SCFD2: variants seen among roughly 807,000 people sequenced by gnomAD.
SCFD2 encodes the protein sec1 family domain containing 2.
A neutral mutation model predicts 58.9 loss-of-function variants in SCFD2; 54 were observed. The observed-to-expected ratio is 0.92, with a 90% CI of 0.74 to 1.15. The LOEUF is 1.15. SCFD2 is among the 50% of genes most tolerant of loss of function. The pLI, the probability that SCFD2 is intolerant of heterozygous loss-of-function variation, is 0.00. For missense variants in SCFD2, 805 were observed against 836.6 expected, an observed-to-expected ratio of 0.96 and a Z score of 0.47; for synonymous variants, 321 against 335.9, an observed-to-expected ratio of 0.96 and a Z score of 0.49.
In SCFD2 at chr4:53,352,601, G is replaced by A; in HGVS notation, c.1004C>T (p.Ser335Phe). 1 of 1,611,776 alleles carries A rather than the reference G, an allele frequency of 6.2e-7. No individual in the cohort carries two copies. Among genetic ancestry groups the A allele is most frequent in the Non-Finnish European group, 8.5e-7 (1 of 1,178,168 alleles). Residue 335 changes from serine (S) to phenylalanine (F), a missense_variant, in exon 2 of 9, where the codon TCC (serine) becomes TTC (phenylalanine). Ser to Phe is a radical substitution (Grantham distance 155). This residue lies in a region of SCFD2 where 633 missense variants were observed against 646.8 expected (regional missense o/e 0.98). Coordinates refer to ENST00000401642, the MANE Select transcript of SCFD2 (RefSeq NM_152540.4). ...NVVAPGCLSQ[S>F]SDTTAKALWE... ...TGACAAAAACTATATATCTTACCTG[G>A]ATTGTGAAAGACAGCCTGGTGCAAC...
intron 5 of SCFD2, among the ~76,000 whole-genome samples, chr4:52,973,129 C>T (rs1339930077): frequency 2.0e-5 from 3 of 152,032 alleles, no homozygotes; most frequent in African/African-American, 7.2e-5. Flanking sequence ...AGAGCAAACA[C>T]ATTCAAAAGC....
intron 5 of SCFD2, among the ~76,000 whole-genome samples, chr4:53,055,020 T>A (rs1723284719): frequency 6.6e-6 from 1 of 151,508 alleles, no homozygotes; most frequent in Admixed American, 6.6e-5. Flanking sequence ...AATGAAGGAG[T>A]TTGTGTTTGT....
chr4:53,271,985 A>G (rs1235587289), intron 4 of SCFD2, among the ~76,000 whole-genome samples: 1 of 152,332 alleles, frequency 6.6e-6, no homozygotes, highest in African/African-American at 2.4e-5. Context: ...AGAATCTACA[A>G]TGAACTCAAA....
chr4:53,024,875 C>A (rs907282495), intron 5 of SCFD2, among the ~76,000 whole-genome samples: 1 of 152,138 alleles, frequency 6.6e-6, no homozygotes, highest in African/African-American at 2.4e-5. Context: ...AGAAAGCAGT[C>A]CTTGGTAACC....
intron 5 of SCFD2, among the ~76,000 whole-genome samples, chr4:53,091,209 T>C (rs997393868): frequency 6.6e-6 from 1 of 152,064 alleles, no homozygotes; most frequent in African/African-American, 2.4e-5. Context: ...TCTCTGAAGA[T>C]TGCTGAAAGA....
intron 5 of SCFD2, among the ~76,000 whole-genome samples, chr4:53,117,327 G>A (rs1725353262): frequency 6.6e-6 from 1 of 152,162 alleles, no homozygotes; most frequent in South Asian, 2.1e-4. Context: ...ATTAGATAGA[G>A]AAGAGGTGCA....
At chr4:53,193,936 T>A (rs1323107702) in intron 4 of SCFD2, among the ~76,000 whole-genome samples, 1 of 152,306 alleles carries the variant, frequency 6.6e-6, no homozygotes, top group African/African-American at 2.4e-5. Context: ...TCACTTTGGG[T>A]TGATTTTTGG....
chr4:53,354,105 C>A (rs531766781), intron 1 of SCFD2, among the ~76,000 whole-genome samples: 1 of 152,382 alleles, frequency 6.6e-6, no homozygotes, highest in Middle Eastern at 3.4e-3. Flanking sequence ...CTTGGGCCGT[C>A]GATGGGACAG....
At chr4:53,298,770 C>A (rs1374418666) in intron 3 of SCFD2, among the ~76,000 whole-genome samples, 1 of 152,180 alleles carries the variant, frequency 6.6e-6, no homozygotes, top group African/African-American at 2.4e-5. Context: ...GATCAGGCAG[C>A]AGCATTTGCA....
At chr4:53,124,972 C>T (rs748563269) in intron 5 of SCFD2, among the ~76,000 whole-genome samples, 10 of 152,058 alleles carry the variant, frequency 6.6e-5, no homozygotes, top group South Asian at 2.1e-4. Context: ...CATGGAGTAA[C>T]GGAGGTAAAG....
At chr4:52,998,238 T>C (rs1036169392) in intron 5 of SCFD2, among the ~76,000 whole-genome samples, 10 of 152,198 alleles carry the variant, frequency 6.6e-5, no homozygotes, top group Admixed American at 4.6e-4. Context: ...CATCAGATAC[T>C]CAGTAAAGTC....
intron 2 of SCFD2, among the ~76,000 whole-genome samples, chr4:53,346,064 C>A (rs1257785825): frequency 6.6e-6 from 1 of 151,864 alleles, no homozygotes; most frequent in African/African-American, 2.4e-5. Context: ...CAAACCTGCA[C>A]GTTGTGCACG....
chr4:53,239,144 C>G lies in SCFD2; in HGVS notation c.1311+34682G>C, dbSNP rs534654657. On this transcript the variant is annotated intron_variant, in intron 4 of 8. Transcript: ENST00000401642. ...GAGGCCGAGGCTGGTGGATCACGTGCGGTTAGGGGCTGGAGACTGGCCTGG... is the reference window on the plus strand; with the variant it reads ...GAGGCCGAGGCTGGTGGATCACGTGGGGTTAGGGGCTGGAGACTGGCCTGG... Among the ~76,000 whole-genome samples the G allele has an allele frequency of 6.8e-5, 10 of 147,428 alleles. No individual in the cohort carries two copies. The East Asian group carries it at 2.0e-3, about 29-fold the overall frequency.
At chr4:53,258,577 T>TATATATATATATACAC (rs757658747) in intron 4 of SCFD2, among the ~76,000 whole-genome samples, 1 of 121,372 alleles carries the variant, frequency 8.2e-6, no homozygotes, top group African/African-American at 3.2e-5. Flanking sequence ...TATATATATA[T>TATATATATATATACAC]ACACACACAT....
intron 3 of SCFD2, among the ~76,000 whole-genome samples, chr4:53,299,950 A>G (rs1732209985): frequency 6.6e-6 from 1 of 152,196 alleles, no homozygotes; most frequent in Non-Finnish European, 1.5e-5. Context: ...TGAAGGAAGC[A>G]CTAAACATGG....
chr4:53,255,831 C>T (rs1174035797), intron 4 of SCFD2, among the ~76,000 whole-genome samples: 9 of 148,232 alleles, frequency 6.1e-5, no homozygotes, highest in East Asian at 2.1e-4. Context: ...GGCAGCTGGC[C>T]GGGCGGGGGG....
intron 4 of SCFD2, among the ~76,000 whole-genome samples, chr4:53,216,951 C>G (rs1387145225): frequency 6.6e-6 from 1 of 152,140 alleles, no homozygotes; most frequent in Admixed American, 6.5e-5. Context: ...TGTAGCTGAG[C>G]GGTTTTGAGT....
chr4:53,145,257 C>T (rs4864727), intron 5 of SCFD2, 76 bp downstream of exon 5: 732,825 of 1,540,048 alleles, frequency 0.48, 175,525 homozygotes, highest in South Asian at 0.53. Flanking sequence ...CCTCCTCTTC[C>T]CAAAACAGTA....
intron 5 of SCFD2, among the ~76,000 whole-genome samples, chr4:52,945,079 T>C (rs1720389157): frequency 6.6e-6 from 1 of 152,184 alleles, no homozygotes; most frequent in African/African-American, 2.4e-5. Context: ...TATGTCATAA[T>C]GCTTTAAAAA....
Sources: allele counts gnomAD v4.1 joint callset (sites outside exome capture counted in the v4.1 genomes callset), GRCh38; gene constraint gnomAD v4.1.1; regional missense constraint gnomAD v4.1.1; transcripts MANE v1.5; gene names NCBI Gene and HGNC (gene_info 2026-07-23, HGNC 2026-07-21).